CIP2A: variants seen among roughly 807,000 people sequenced by gnomAD.
The protein encoded by CIP2A is protein CIP2A.
CIP2A carries 103 observed loss-of-function variants against 110.9 expected under a neutral mutation model. The ratio of observed to expected loss-of-function variants is 0.93; its 90% CI spans 0.79 to 1.09. The LOEUF (loss-of-function observed/expected upper bound fraction) is 1.09, where lower values mean the gene tolerates loss of function less well. Among genes scored for constraint, CIP2A ranks in the 50% least tolerant of loss-of-function variants. CIP2A has a pLI of 0.00. For missense variants in CIP2A, 1,088 were observed against 1,038.4 expected (o/e 1.05, Z -0.66); for synonymous variants, 381 against 361.6 (o/e 1.05, Z -0.61).
In CIP2A at chr3:108,559,845, T is replaced by C. The variant is rs1937937830; in HGVS notation, c.1925A>G (p.Asp642Gly). Reference protein sequence around the residue: ...TLASKESRLQDLLETKALALA... With the variant: ...TLASKESRLQGLLETKALALA... The stretch of plus-strand genomic sequence containing the variant: ...GGCTAGAGCTTTTGTTTCCAAAAGA[T>C]CTTGTAGCCTGCTTTCTTTGGACTA... Residue 642 changes from aspartate (D) to glycine (G), a missense_variant, in exon 16 of 21, where the codon GAT becomes GGT. By Grantham distance (94) the Asp-to-Gly change is moderately conservative. Coordinates refer to ENST00000295746, the MANE Select transcript of CIP2A (RefSeq NM_020890.3). 1 of 1,607,726 alleles carries C rather than the reference T, an allele frequency of 6.2e-7. No individual in the cohort carries two copies. Among genetic ancestry groups the C allele is most frequent in the Non-Finnish European group, 8.5e-7 (1 of 1,175,460 alleles).
intron 8 of CIP2A, among the ~76,000 whole-genome samples, chr3:108,570,005 T>C (rs1163144852): frequency 6.6e-6 from 1 of 152,120 alleles, no homozygotes; most frequent in Non-Finnish European, 1.5e-5. Context: ...ATAACCGCTA[T>C]AAAGGATACT....
At chr3:108,570,773 T>G (rs1226915747) in intron 8 of CIP2A, among the ~76,000 whole-genome samples, 1 of 152,150 alleles carries the variant, frequency 6.6e-6, no homozygotes, top group East Asian at 1.9e-4. Flanking sequence ...GTATATTTCA[T>G]AAAGACTGTA....
intron 7 of CIP2A, among the ~76,000 whole-genome samples, chr3:108,576,923 A>T (rs1053738935): frequency 6.6e-6 from 1 of 152,188 alleles, no homozygotes; most frequent in African/African-American, 2.4e-5. Flanking sequence ...ACAGAAAGAG[A>T]TAATACAAGG....
At chr3:108,574,175 G>A (rs1381325751) in intron 8 of CIP2A, among the ~76,000 whole-genome samples, 1 of 152,054 alleles carries the variant, frequency 6.6e-6, no homozygotes, top group South Asian at 2.1e-4. Context: ...ATAAGAGAAA[G>A]ACAACGCATT....
At chr3:108,589,224 A>T (rs1218259430) in intron 1 of CIP2A, 50 bp downstream of exon 1, 2 of 1,397,824 alleles carry the variant, frequency 1.4e-6, no homozygotes, top group Non-Finnish European at 2.0e-6. Flanking sequence ...ACTGTGAAAT[A>T]AGAATTGCTA....
intron 7 of CIP2A, 48 bp from the exon 8 acceptor site, chr3:108,576,394 T>C: frequency 1.0e-6 from 1 of 999,842 alleles, no homozygotes; most frequent in Non-Finnish European, 1.5e-6. Flanking sequence ...ATAAAATTGA[T>C]ACATCAAAAG....
rs1451836313 is a variant in CIP2A at position 108,576,318 on chromosome 3, G to A, written c.847C>T (p.Gln283Ter). 5.8e-6 allele frequency: 9 copies of A among 1,557,732 alleles called. No individual in the cohort carries two copies. The highest frequency in any genetic ancestry group is 7.0e-6 in the Non-Finnish European group (8 of 1,148,928). Reference protein sequence around the residue: ...RYEHFSSCLHQVLGLLNGKDP... With the variant: ...RYEHFSSCLH ...TTTCCATTAAGAAGACCTAATACTTGGTGAAGACATGAAGAAAAGTGCTCA... is the reference window on the plus strand; with the variant it reads ...TTTCCATTAAGAAGACCTAATACTTAGTGAAGACATGAAGAAAAGTGCTCA... The change falls in exon 8 of 21, where the codon CAA becomes TAA. Residue 283 changes from glutamine (Q) to a stop codon, truncating the protein, a stop_gained. Coordinates refer to ENST00000295746, the MANE Select transcript of CIP2A (RefSeq NM_020890.3). LOFTEE classifies it high-confidence loss of function.
intron 7 of CIP2A, among the ~76,000 whole-genome samples, chr3:108,576,695 G>A (rs1938666603): frequency 6.6e-6 from 1 of 152,110 alleles, no homozygotes; most frequent in Non-Finnish European, 1.5e-5. Flanking sequence ...TCAAAGGACA[G>A]AAGAATATCC....
At chr3:108,553,121 GTTTTTTTTTT>G (rs768832281) in intron 19 of CIP2A, among the ~76,000 whole-genome samples, 1 of 67,156 alleles carries the variant, frequency 1.5e-5, no homozygotes, top group African/African-American at 5.7e-5. Context: ...CTTTCCTTTT[GTTTTTTTTTT>G]TTTTTTTTTT....
intron 5 of CIP2A, among the ~76,000 whole-genome samples, chr3:108,580,635 G>GT (rs201061434): frequency 0.044 from 6,431 of 145,260 alleles, 474 homozygotes; most frequent in African/African-American, 0.15. Context: ...AATATACTTT[G>GT]TTTTTTTTTT....
At chr3:108,582,312 A>AT (rs1170430004) in intron 3 of CIP2A, 110 bp from the exon 4 acceptor site, 3 of 452,978 alleles carry the variant, frequency 6.6e-6, no homozygotes, top group East Asian at 3.6e-5. Flanking sequence ...TCCTAAAACA[A>AT]TTTTTTTAAA....
chr3:108,579,015 C>G (rs1938772812), intron 7 of CIP2A, among the ~76,000 whole-genome samples: 1 of 151,668 alleles, frequency 6.6e-6, no homozygotes, highest in African/African-American at 2.4e-5. Context: ...ATAAATTAGC[C>G]AAGATGTCTA....
At chr3:108,579,730 T>G (rs1938798972) in intron 5 of CIP2A, 42 bp from the exon 6 acceptor site, 2 of 1,350,974 alleles carry the variant, frequency 1.5e-6, no homozygotes, top group Non-Finnish European at 1.0e-6. Flanking sequence ...AATTATAAAT[T>G]TTATGTTTTG....
At position 108,589,383 on chromosome 3, in the gene CIP2A, G is replaced by A. The variant is rs1485839319; in HGVS notation, c.-8C>T. 4 of 1,604,816 alleles carry A rather than the reference G, an allele frequency of 2.5e-6. No individual in the cohort carries two copies. The highest frequency in any genetic ancestry group is 2.2e-5 in the South Asian group (2 of 90,196). On this transcript the variant is annotated 5_prime_UTR_variant, in exon 1 of 21. Transcript: ENST00000295746. ...GCAGGCAGTGGAGTCCATTGCACCG[G>A]CCGCGGCCCGGCTTAGGGACCACCA...
At chr3:108,575,497 TATATATGTATATATACACATAC>T (rs1938562744) in intron 8 of CIP2A, among the ~76,000 whole-genome samples, 1 of 144,116 alleles carries the variant, frequency 6.9e-6, no homozygotes, top group African/African-American at 2.8e-5. Context: ...CACACATATG[TATATATGTATATATACACATAC>T]ATATATACAC....
intron 14 of CIP2A, 42 bp from the exon 15 acceptor site, chr3:108,560,070 A>G (rs773839482): frequency 8.7e-7 from 1 of 1,148,342 alleles, no homozygotes; most frequent in Admixed American, 2.0e-5. Context: ...TTAATAAAAT[A>G]TTTTGACACA....
intron 3 of CIP2A, among the ~76,000 whole-genome samples, chr3:108,582,515 A>T (rs1354582036): frequency 6.6e-6 from 1 of 152,208 alleles, no homozygotes; most frequent in East Asian, 1.9e-4. Flanking sequence ...CTAAAACTGC[A>T]TGTCAATTTA....
At chr3:108,579,728 A>T in intron 5 of CIP2A, 40 bp from the exon 6 acceptor site, 1 of 1,357,488 alleles carries the variant, frequency 7.4e-7, no homozygotes, top group Non-Finnish European at 9.9e-7. Flanking sequence ...AGAATTATAA[A>T]TTTTATGTTT....
At chr3:108,585,312 A>C in intron 1 of CIP2A, 100 bp from the exon 2 acceptor site, 1 of 1,083,310 alleles carries the variant, frequency 9.2e-7, no homozygotes, top group Non-Finnish European at 1.3e-6. Context: ...TGCCACTGCT[A>C]CCTTCCCAAT....
Sources: gnomAD v4.1 joint callset for allele counts (sites outside exome capture counted in the v4.1 genomes callset) on GRCh38, gnomAD v4.1.1 for gene constraint, MANE v1.5 for transcripts, NCBI Gene and HGNC (gene_info 2026-07-23, HGNC 2026-07-21) for gene names.